SGCD: variants seen among roughly 807,000 people sequenced by gnomAD.
SGCD encodes the protein delta-sarcoglycan.
A neutral mutation model predicts 36.6 loss-of-function variants in SGCD; 18 were observed. The observed-to-expected ratio is 0.49, with a 90% CI of 0.34 to 0.73. SGCD has a LOEUF of 0.73. Ranked by LOEUF, SGCD falls within the 30% of genes least tolerant of loss-of-function variation. The probability of loss-of-function intolerance (pLI) is 0.01; values close to 1 mark genes in which losing one functional copy is unlikely to be tolerated. For synonymous variants in SGCD, 133 were observed against 130.6 expected (o/e 1.02, Z -0.12); for missense variants, 387 against 346.7 (o/e 1.12, Z -0.92).
intron 7 of SGCD, among the ~76,000 whole-genome samples, chr5:156,653,508 TGCCCCTG>T (rs1763554633): frequency 2.1e-5 from 3 of 141,328 alleles, no homozygotes; most frequent in Non-Finnish European, 3.0e-5. Context: ...TTTTTTTTTT[TGCCCCTG>T]TTGTTCAAAC....
intron 3 of SGCD, among the ~76,000 whole-genome samples, chr5:156,403,731 C>G (rs1382091857): frequency 6.6e-6 from 1 of 152,060 alleles, no homozygotes; most frequent in Non-Finnish European, 1.5e-5. Flanking sequence ...TCATCACCAG[C>G]CTTTGCAGTT....
chr5:156,742,523 ACAGACTCCTAGCTAC>A (rs957771370), intron 7 of SGCD, among the ~76,000 whole-genome samples: 3 of 152,134 alleles, frequency 2.0e-5, no homozygotes, highest in Non-Finnish European at 4.4e-5. Context: ...CTGGATAATA[ACAGACTCCTAGCTAC>A]TTTCCTTGCA....
intron 6 of SGCD, among the ~76,000 whole-genome samples, chr5:156,601,706 T>G (rs1358045558): frequency 6.6e-6 from 1 of 152,158 alleles, no homozygotes; most frequent in Admixed American, 6.5e-5. Context: ...GTTTTTGAGA[T>G]GGAGTCTGGC....
At chr5:155,810,859 C>T in the SGCD span, among the ~76,000 whole-genome samples, 4 of 100,120 alleles carry the variant, frequency 4.0e-5, no homozygotes, top group Non-Finnish European at 5.3e-5. Context: ...GCTCTGTCGC[C>T]CAGGCTGGAG....
intron 4 of SGCD, among the ~76,000 whole-genome samples, chr5:156,551,133 C>G (rs889345843): frequency 6.6e-6 from 1 of 152,196 alleles, no homozygotes. Context: ...TCTCTTACCT[C>G]AAGACCTTTG....
In SGCD at chr5:156,761,669, A is replaced by G. The variant is rs1220954172; in HGVS notation, c.*2279A>G. On this transcript the variant is annotated 3_prime_UTR_variant, in exon 9 of 9. Coordinates refer to ENST00000337851, the MANE Select transcript of SGCD (RefSeq NM_000337.6). ...CTTTGCATTTTGCCATCTGAAGTTC[A>G]TTAATCTTTAGATGACAAAAAAGCA... is the stretch of plus-strand genomic sequence containing the variant. 2.0e-5 allele frequency: 3 copies of G among 152,216 alleles called. No individual in the cohort carries two copies. The highest frequency in any genetic ancestry group is 4.4e-5 in the Non-Finnish European group (3 of 68,048). 9.4% of individuals were successfully genotyped at this position (152,216 alleles called of 1,614,324 possible). A position where few individuals can be genotyped will look rare whatever the true frequency, so the allele number is the denominator to read the frequency against.
rs139848127 is a variant in SGCD at position 156,697,313 on chromosome 5, G to A, written c.575+49777G>A. Among the ~76,000 whole-genome samples the A allele has an allele frequency of 3.2e-3, 484 of 152,168 alleles. 5 individuals are homozygous for A. The highest frequency in any genetic ancestry group is 0.01 in the African/African-American group (418 of 41,502). On this transcript the variant is annotated intron_variant, in intron 7 of 8. Coordinates refer to ENST00000337851, the MANE Select transcript of SGCD (RefSeq NM_000337.6). ...ATTTGGTTGTTGTTGCTTTAATGGC[G>A]CAGCTCCCTTGGACCCCTGACTGTG... is the stretch of plus-strand genomic sequence containing the variant.
intron 3 of SGCD, among the ~76,000 whole-genome samples, chr5:156,266,035 C>T (rs978414959): frequency 2.0e-5 from 3 of 152,082 alleles, no homozygotes; most frequent in African/African-American, 7.2e-5. Context: ...AAAAATTGTA[C>T]TTGTTAGAAA....
chr5:156,206,035 C>T (rs1396731899), intron 3 of SGCD, among the ~76,000 whole-genome samples: 1 of 148,002 alleles, frequency 6.8e-6, no homozygotes, highest in Non-Finnish European at 1.5e-5. Context: ...TGCACATATA[C>T]AAATGAATAT....
chr5:156,215,783 T>TA (rs1764556026), intron 3 of SGCD, among the ~76,000 whole-genome samples: 1 of 151,860 alleles, frequency 6.6e-6, no homozygotes, highest in African/African-American at 2.4e-5. Context: ...CCTTCCAAAT[T>TA]AAAAAATAGA....
intron 3 of SGCD, among the ~76,000 whole-genome samples, chr5:156,131,900 G>A (rs189806457): frequency 4.6e-5 from 7 of 152,236 alleles, no homozygotes; most frequent in East Asian, 1.9e-4. Flanking sequence ...TATTACTGTC[G>A]TATTATTTTC....
intron 1 of SGCD, among the ~76,000 whole-genome samples, chr5:156,024,264 A>G (rs1196876024): frequency 4.6e-5 from 7 of 151,882 alleles, no homozygotes; most frequent in Non-Finnish European, 2.9e-5. Context: ...TGGGATGGTG[A>G]TCAGGGAGGA....
At position 156,647,508 on chromosome 5, in the gene SGCD, G is replaced by A. The variant is rs751421543; in HGVS notation, c.547G>A (p.Val183Ile). 14 of 1,585,406 alleles carry A rather than the reference G, an allele frequency of 8.8e-6. No homozygotes were observed. The highest frequency in any genetic ancestry group is 1.3e-5 in the African/African-American group (1 of 74,480). Reference sequence around the variant, plus strand: ...CCCTAAATCTATAGAAACACCTAATGTCAGGGCAGACCCCTTCAAAGAACT... The same window carrying A: ...CCCTAAATCTATAGAAACACCTAATATCAGGGCAGACCCCTTCAAAGAACT... ...VFPKSIETPN[V>I]RADPFKELRL... The change falls in exon 7 of 9, where the codon GTC becomes ATC. Residue 183 changes from valine to isoleucine, a missense_variant. By Grantham distance (29) the Val-to-Ile change is conservative. Transcript: ENST00000337851.
intron 3 of SGCD, among the ~76,000 whole-genome samples, chr5:156,429,624 A>G (rs1580980302): frequency 6.6e-6 from 1 of 151,004 alleles, no homozygotes; most frequent in South Asian, 2.1e-4. Context: ...TGTGAGATGT[A>G]TGCTTTAAGG....
intron 1 of SGCD, among the ~76,000 whole-genome samples, chr5:156,017,221 C>T (rs1360617848): frequency 6.6e-6 from 1 of 152,124 alleles, no homozygotes; most frequent in Non-Finnish European, 1.5e-5. Flanking sequence ...TCCCTCAATA[C>T]AAAAATGTTG....
At chr5:156,229,277 C>CATATATATATATATATATATATAT (rs570200528) in intron 3 of SGCD, among the ~76,000 whole-genome samples, 691 of 56,200 alleles carry the variant, frequency 0.012, 39 homozygotes, top group Non-Finnish European at 0.017. Context: ...TATATACATA[C>CATATATATATATATATATATATAT]ATATATATAT....
chr5:156,515,946 C>G (rs973043551), intron 4 of SGCD, among the ~76,000 whole-genome samples: 1 of 152,260 alleles, frequency 6.6e-6, no homozygotes, highest in Non-Finnish European at 1.5e-5. Flanking sequence ...GGCTCCATCC[C>G]TCCTCACCAG....
chr5:156,227,879 G>A (rs942600611), intron 3 of SGCD, among the ~76,000 whole-genome samples: 2 of 151,962 alleles, frequency 1.3e-5, no homozygotes, highest in African/African-American at 2.4e-5. Context: ...TTTAATTTCC[G>A]TCTTGATTTC....
chr5:156,711,480 C>T (rs147226601), intron 7 of SGCD, among the ~76,000 whole-genome samples: 20 of 152,260 alleles, frequency 1.3e-4, no homozygotes, highest in South Asian at 2.1e-4. Flanking sequence ...ATCCCTGGCA[C>T]CCTTCAGTAT....
Sources: gnomAD v4.1 joint callset for allele counts (sites outside exome capture counted in the v4.1 genomes callset) on GRCh38, gnomAD v4.1.1 for gene constraint, MANE v1.5 for transcripts, NCBI Gene and HGNC (gene_info 2026-07-23, HGNC 2026-07-21) for gene names.